The following MACROD2 variants were observed in gnomAD, a reference collection of about 807,000 sequenced individuals.
MACROD2 encodes the protein ADP-ribose glycohydrolase MACROD2.
A neutral mutation model predicts 70.4 loss-of-function variants in MACROD2; 36 were observed. The ratio of observed to expected loss-of-function variants is 0.51; its 90% CI spans 0.39 to 0.68. MACROD2 has a LOEUF of 0.68. Ranked by LOEUF, MACROD2 falls within the 30% of genes least tolerant of loss-of-function variation. The pLI is 0.00. For missense variants in MACROD2, 496 were observed against 538.4 expected, an observed-to-expected ratio of 0.92 and a Z score of 0.78; for synonymous variants, 172 against 178.8, an observed-to-expected ratio of 0.96 and a Z score of 0.30.
chr20:15,569,333 T>C (rs546567890), intron 8 of MACROD2, among the ~76,000 whole-genome samples: 28 of 152,332 alleles, frequency 1.8e-4, no homozygotes, highest in African/African-American at 6.5e-4. Flanking sequence ...TTTTGAGTTA[T>C]ATATAAATGC....
intron 5 of MACROD2, among the ~76,000 whole-genome samples, chr20:14,740,238 A>G (rs1459543228): frequency 1.3e-5 from 2 of 152,184 alleles, no homozygotes; most frequent in Admixed American, 6.5e-5. Flanking sequence ...GGTAGGTCTT[A>G]TGAACCATTT....
chr20:15,651,547 T>G lies in MACROD2; in HGVS notation c.645+151700T>G, dbSNP rs577587783. Among the ~76,000 whole-genome samples, 11 of 152,318 alleles carry G rather than the reference T, an allele frequency of 7.2e-5. No homozygotes were observed. In the South Asian group the frequency reaches 1.0e-3, roughly 14 times the overall value. On this transcript the variant is annotated intron_variant, in intron 8 of 17. Transcript: ENST00000684519. ...TATGCTTTTAATCCAGGCTCTCAGC[T>G]CTGTCTGTCAGCCTTACCTGTATCA...
intron 8 of MACROD2, among the ~76,000 whole-genome samples, chr20:15,740,222 G>A (rs568771694): frequency 1.3e-5 from 2 of 152,288 alleles, no homozygotes; most frequent in East Asian, 3.9e-4. Flanking sequence ...TTGGCCAAAA[G>A]TCAGTCACAT....
Position 14,114,672 on chromosome 20 carries a change from A to C in MACROD2, c.271+28944A>C, listed in dbSNP as rs113521463. ...GAAACGAGGAACGGGGCACAAGATC[A>C]GTAAGACCTATGATATAACTCCAGG... On this transcript the variant is annotated intron_variant, in intron 3 of 17. Transcript: ENST00000684519. 3.0e-3 allele frequency among the ~76,000 whole-genome samples: 450 copies of C among 152,282 alleles called. 1 individual carries two copies. Among genetic ancestry groups the C allele is most frequent in the Non-Finnish European group, 5.9e-3 (399 of 67,996 alleles).
intron 8 of MACROD2, among the ~76,000 whole-genome samples, chr20:15,806,855 AAAT>A (rs2063773821): frequency 6.6e-6 from 1 of 152,190 alleles, no homozygotes; most frequent in African/African-American, 2.4e-5. Context: ...GGGTTCTAAA[AAAT>A]TGAAAGGAGA....
chr20:15,301,591 C>CTTTTTTTTTTTTTTTTGTT lies in MACROD2; in HGVS notation c.540+71546_540+71547insGTTTTTTTTTTTTTTTTTT, dbSNP rs2077643387. 3.7e-5 allele frequency among the ~76,000 whole-genome samples: 3 copies of CTTTTTTTTTTTTTTTTGTT among 81,250 alleles called. 1 individual carries two copies. The highest frequency in any genetic ancestry group is 4.8e-5 in the Non-Finnish European group (2 of 41,962). The allele number at this position is 81,250 out of a possible 152,430, so 53.3% of individuals were successfully genotyped here. A position where few individuals can be genotyped will look rare whatever the true frequency, so the allele number is the denominator to read the frequency against. On this transcript the variant is annotated intron_variant, in intron 6 of 17. Transcript: ENST00000684519. ...GGAAGTTAGTAAGATGGTAGGTGGC[C>CTTTTTTTTTTTTTTTTGTT]TTTTTTTTTTTTTTTTTTTTTTTGT... is the stretch of plus-strand genomic sequence containing the variant.
intron 5 of MACROD2, among the ~76,000 whole-genome samples, chr20:14,734,359 C>T (rs1285094732): frequency 4.0e-5 from 6 of 151,602 alleles, no homozygotes; most frequent in East Asian, 1.9e-4. Flanking sequence ...AAATTAGCCA[C>T]GTGTAGTGGC....
At chr20:15,723,826 A>G (rs2050822935) in intron 8 of MACROD2, among the ~76,000 whole-genome samples, 1 of 152,186 alleles carries the variant, frequency 6.6e-6, no homozygotes, top group African/African-American at 2.4e-5. Flanking sequence ...CTGCTGGATT[A>G]CACAGTAAGA....
At chr20:15,166,931 T>A (rs1257777244) in intron 5 of MACROD2, among the ~76,000 whole-genome samples, 1 of 148,572 alleles carries the variant, frequency 6.7e-6, no homozygotes, top group African/African-American at 2.4e-5. Flanking sequence ...GTATTAAATT[T>A]AAGTATTTAA....
At chr20:15,221,036 T>G (rs540073900) in intron 5 of MACROD2, among the ~76,000 whole-genome samples, 16 of 152,318 alleles carry the variant, frequency 1.1e-4, no homozygotes, top group African/African-American at 3.6e-4. Context: ...GTCCCGACAT[T>G]GACCCATCTG....
intron 5 of MACROD2, among the ~76,000 whole-genome samples, chr20:15,167,482 A>G (rs1026943706): frequency 2.0e-4 from 30 of 152,260 alleles, no homozygotes; most frequent in African/African-American, 7.2e-4. Context: ...ACATCCCAGA[A>G]GAGATCAGCA....
intron 8 of MACROD2, among the ~76,000 whole-genome samples, chr20:15,707,555 G>A (rs1329421963): frequency 3.9e-5 from 6 of 152,120 alleles, no homozygotes; most frequent in African/African-American, 1.2e-4. Context: ...AGGCCAAGTC[G>A]GGCGGATTAC....
Position 15,693,082 on chromosome 20 carries a change from C to T in MACROD2, c.646-169663C>T, listed in dbSNP as rs187864213. On this transcript the variant is annotated intron_variant, in intron 8 of 17. Coordinates refer to ENST00000684519, the MANE Select transcript of MACROD2 (RefSeq NM_001351661.2). ...AGTTTCCTGAGGCCTTCCAATCATG[C>T]TTCCTGTTAAGCCTGCAGAAATGTG... 8.1e-4 allele frequency among the ~76,000 whole-genome samples: 123 copies of T among 152,252 alleles called. No individual in the cohort carries two copies. The East Asian group carries it at 8.3e-3, about 10-fold the overall frequency.
At chr20:15,584,597 G>A (rs1019634653) in intron 8 of MACROD2, among the ~76,000 whole-genome samples, 2 of 152,206 alleles carry the variant, frequency 1.3e-5, no homozygotes, top group African/African-American at 4.8e-5. Flanking sequence ...GAGTTCTATT[G>A]TTGTTTTCAA....
At chr20:14,079,920 C>A (rs143492962) in intron 2 of MACROD2, among the ~76,000 whole-genome samples, 81 of 152,214 alleles carry the variant, frequency 5.3e-4, no homozygotes, top group Middle Eastern at 6.8e-3. Flanking sequence ...TCCCTACCCC[C>A]AGTCTGTGGA....
chr20:14,521,627 T>C (rs1385204432), intron 4 of MACROD2, among the ~76,000 whole-genome samples: 2 of 152,226 alleles, frequency 1.3e-5, no homozygotes, highest in African/African-American at 4.8e-5. Flanking sequence ...TATGCATTGA[T>C]GTGATGTAAT....
chr20:15,036,502 T>C (rs1398448414), intron 5 of MACROD2, among the ~76,000 whole-genome samples: 3 of 152,168 alleles, frequency 2.0e-5, no homozygotes, highest in Non-Finnish European at 2.9e-5. Flanking sequence ...AACAAGCCCT[T>C]CAGCTGATTT....
chr20:14,326,816 A>T lies in MACROD2; in HGVS notation c.272-166663A>T. ...GCAGTCAGGGAATTCCGCACCAGGG[A>T]CAGCTCTGTCAAATTAACTAGGTTG... On this transcript the variant is annotated intron_variant, in intron 3 of 17. Transcript: ENST00000684519. The surrounding 1 kb of genome is among the most constrained non-coding windows in gnomAD (Gnocchi z 5.5). 1 of 1,613,784 alleles carries T rather than the reference A, an allele frequency of 6.2e-7. No homozygotes were observed. The highest frequency in any genetic ancestry group is 8.5e-7 in the Non-Finnish European group (1 of 1,179,804).
intron 3 of MACROD2, among the ~76,000 whole-genome samples, chr20:14,492,045 T>C (rs2084801185): frequency 6.6e-6 from 1 of 152,178 alleles, no homozygotes; most frequent in Non-Finnish European, 1.5e-5. Context: ...TGAGACCAAG[T>C]AGAATTCTCG....
Sources: gnomAD v4.1 joint callset for allele counts (sites outside exome capture counted in the v4.1 genomes callset) on GRCh38, gnomAD v4.1.1 for gene constraint, Gnocchi (gnomAD v3.1) non-coding constraint, MANE v1.5 for transcripts, NCBI Gene and HGNC (gene_info 2026-07-23, HGNC 2026-07-21) for gene names.